The following MYO5B variants were observed in gnomAD, a reference collection of about 807,000 sequenced individuals.
The protein encoded by MYO5B is unconventional myosin-Vb.
A neutral mutation model predicts 229.3 loss-of-function variants in MYO5B; 143 were observed. That is an observed-to-expected ratio of 0.62 (90% CI 0.54 to 0.72). MYO5B has a LOEUF of 0.72. Ranked by LOEUF, MYO5B falls within the 30% of genes least tolerant of loss-of-function variation. The pLI is 0.00. For missense variants in MYO5B, 2,321 were observed against 2,331.0 expected (o/e 1.00, Z 0.09); for synonymous variants, 918 against 885.2 (o/e 1.04, Z -0.66).
At chr18:50,014,201 T>C (rs2026191764) in intron 4 of MYO5B, among the ~76,000 whole-genome samples, 2 of 150,906 alleles carry the variant, frequency 1.3e-5, no homozygotes, top group Non-Finnish European at 2.9e-5. Flanking sequence ...GAAAAACTGA[T>C]TAAGTAGTAA....
intron 18 of MYO5B, among the ~76,000 whole-genome samples, chr18:49,908,343 C>G (rs1340200581): frequency 6.6e-6 from 1 of 152,164 alleles, no homozygotes; most frequent in African/African-American, 2.4e-5. Flanking sequence ...GTTGACTGAT[C>G]AGTCGATCAA....
At chr18:50,192,914 AT>A (rs1568140128) in intron 1 of MYO5B, among the ~76,000 whole-genome samples, 1 of 152,110 alleles carries the variant, frequency 6.6e-6, no homozygotes, top group Admixed American at 6.5e-5. Context: ...TTTTAACTCC[AT>A]TTTTCCCCCA....
chr18:50,057,988 C>T (rs147063970), intron 1 of MYO5B, among the ~76,000 whole-genome samples: 20 of 152,242 alleles, frequency 1.3e-4, no homozygotes, highest in African/African-American at 4.6e-4. Flanking sequence ...GCCTGTGTTG[C>T]CTGTTTTTCT....
At chr18:50,079,741 A>G (rs1432184213) in intron 1 of MYO5B, among the ~76,000 whole-genome samples, 1 of 152,250 alleles carries the variant, frequency 6.6e-6, no homozygotes, top group Non-Finnish European at 1.5e-5. Flanking sequence ...CCTCTGTAGC[A>G]GCGGAATCAG....
intron 1 of MYO5B, among the ~76,000 whole-genome samples, chr18:50,183,475 A>G (rs1430955231): frequency 6.6e-6 from 1 of 151,878 alleles, no homozygotes; most frequent in Non-Finnish European, 1.5e-5. Context: ...AAAGGCTTCC[A>G]GGAGTCTCAG....
chr18:49,951,779 G>A (rs2025433524), intron 14 of MYO5B, among the ~76,000 whole-genome samples: 1 of 152,164 alleles, frequency 6.6e-6, no homozygotes, highest in Non-Finnish European at 1.5e-5. Flanking sequence ...AGTTGTCACA[G>A]GCCTCCAGGC....
chr18:49,862,035 T>C (rs2057946572), intron 29 of MYO5B, among the ~76,000 whole-genome samples: 1 of 147,998 alleles, frequency 6.8e-6, no homozygotes, highest in South Asian at 2.2e-4. Flanking sequence ...TTTGCTCTCA[T>C]TGCCCAGGGT....
rs182162551 is a variant in MYO5B, at chr18:50,157,283, T to G, written c.27+37484A>C. On this transcript the variant is annotated intron_variant, in intron 1 of 39. Coordinates refer to ENST00000285039, the MANE Select transcript of MYO5B (RefSeq NM_001080467.3). ...ACCATGCCCAGCTAATTTTTGTATT[T>G]TTAGTAGAGATGGGGTTTCACCATG... Among the ~76,000 whole-genome samples the G allele has an allele frequency of 3.9e-3, 588 of 152,212 alleles. 4 individuals carry two copies. The highest frequency in any genetic ancestry group is 0.014 in the African/African-American group (562 of 41,554).
intron 1 of MYO5B, among the ~76,000 whole-genome samples, chr18:50,086,864 A>G (rs2031341599): frequency 6.6e-6 from 1 of 152,156 alleles, no homozygotes; most frequent in South Asian, 2.1e-4. Context: ...CAGAAATGCA[A>G]AAGACTAACT....
Position 49,880,636 on chromosome 18 carries a change from A to G in MYO5B, c.3046-181T>C, listed in dbSNP as rs573631511. On this transcript the variant is annotated intron_variant, in intron 22 of 39. Transcript: ENST00000285039. Reference sequence around the variant, plus strand: ...ACTGAAAGAAAAATCCCATTAAAACAAGACAGATGAGCTCAGCACTATTTA... The same window carrying G: ...ACTGAAAGAAAAATCCCATTAAAACGAGACAGATGAGCTCAGCACTATTTA... 13 of 635,622 alleles carry G rather than the reference A, an allele frequency of 2.0e-5. No individual in the cohort carries two copies. The East Asian group carries it at 3.6e-4, about 18-fold the overall frequency. The allele number at this position is 635,622 out of a possible 1,614,324, so 39.4% of individuals were successfully genotyped here.
intron 14 of MYO5B, among the ~76,000 whole-genome samples, chr18:49,945,493 A>C (rs2025362008): frequency 6.6e-6 from 1 of 151,508 alleles, no homozygotes; most frequent in Non-Finnish European, 1.5e-5. Context: ...CTGCTGCTCC[A>C]GCTCAGGACT....
chr18:50,022,916 A>C (rs2026292439), intron 4 of MYO5B, among the ~76,000 whole-genome samples: 1 of 152,150 alleles, frequency 6.6e-6, no homozygotes, highest in Non-Finnish European at 1.5e-5. Context: ...CTAAAGTGGG[A>C]AGCTAAGTTC....
intron 17 of MYO5B, among the ~76,000 whole-genome samples, chr18:49,927,502 T>C (rs534709141): frequency 1.3e-5 from 2 of 152,244 alleles, no homozygotes; most frequent in East Asian, 1.9e-4. Flanking sequence ...CAAACTGTAC[T>C]GTAAGGCCAC....
chr18:49,988,162 G>A (rs1056878302), intron 7 of MYO5B, among the ~76,000 whole-genome samples: 1 of 152,228 alleles, frequency 6.6e-6, no homozygotes, highest in Admixed American at 6.5e-5. Flanking sequence ...CGTGTTTTGG[G>A]TGAAGAGGAG....
At position 49,925,745 on chromosome 18, in the gene MYO5B, C is replaced by A. The variant is rs142371438; in HGVS notation, c.2090+3767G>T. Among the ~76,000 whole-genome samples, 9 of 152,314 alleles carry A rather than the reference C, an allele frequency of 5.9e-5. No individual in the cohort carries two copies. The East Asian group carries it at 1.7e-3, about 29-fold the overall frequency. On this transcript the variant is annotated intron_variant, in intron 17 of 39. Transcript: ENST00000285039. ...AAGATGGTTTGAAAACAAGTAGCTCCGCAGCTCCCTAAGGTCCTCTTCTAG... is the reference window on the plus strand; with the variant it reads ...AAGATGGTTTGAAAACAAGTAGCTCAGCAGCTCCCTAAGGTCCTCTTCTAG...
At chr18:49,847,691 G>A (rs1387549234) in intron 32 of MYO5B, among the ~76,000 whole-genome samples, 7 of 152,238 alleles carry the variant, frequency 4.6e-5, no homozygotes, top group South Asian at 4.1e-4. Flanking sequence ...AGGAGATACC[G>A]TTTTTCTGGG....
At chr18:50,180,403 G>A (rs1011492277) in intron 1 of MYO5B, among the ~76,000 whole-genome samples, 3 of 152,184 alleles carry the variant, frequency 2.0e-5, no homozygotes, top group African/African-American at 7.2e-5. Context: ...GAAGTCTAGA[G>A]GTTATGCCTA....
chr18:50,051,408 A>C (rs367780251), intron 2 of MYO5B, among the ~76,000 whole-genome samples: 1 of 152,170 alleles, frequency 6.6e-6, no homozygotes, highest in South Asian at 2.1e-4. Context: ...GTAGATACAA[A>C]CTCAGTTGGA....
At chr18:50,056,196 T>C (rs2030545426) in intron 1 of MYO5B, among the ~76,000 whole-genome samples, 1 of 152,216 alleles carries the variant, frequency 6.6e-6, no homozygotes, top group South Asian at 2.1e-4. Context: ...AACACAGCCC[T>C]TGGTAAAGTA....
Sources: gnomAD v4.1 joint callset for allele counts (sites outside exome capture counted in the v4.1 genomes callset) on GRCh38, gnomAD v4.1.1 for gene constraint, MANE v1.5 for transcripts, NCBI Gene and HGNC (gene_info 2026-07-23, HGNC 2026-07-21) for gene names.